The following TLL2 variants were observed in gnomAD, a reference collection of about 807,000 sequenced individuals.
The protein encoded by TLL2 is tolloid like 2.
In TLL2, 106 loss-of-function variants were observed where a neutral mutation model predicts 123.0. The ratio of observed to expected loss-of-function variants is 0.86; its 90% confidence interval spans 0.74 to 1.01. The LOEUF (loss-of-function observed/expected upper bound fraction) is 1.01. TLL2 is among the 50% of genes least tolerant of loss of function. TLL2 has a pLI of 0.00. For synonymous variants in TLL2, 494 were observed against 516.8 expected (o/e 0.96, Z 0.60); for missense variants, 1,332 against 1,336.7 (o/e 1.00, Z 0.06).
At chr10:96,390,847 T>A (rs1449075062) in intron 13 of TLL2, among the ~76,000 whole-genome samples, 1 of 152,240 alleles carries the variant, frequency 6.6e-6, no homozygotes, top group Non-Finnish European at 1.5e-5. Context: ...TTGGTCCAAG[T>A]GGCGATGTGC....
chr10:96,448,388 C>T (rs777151590), intron 2 of TLL2, among the ~76,000 whole-genome samples: 4 of 152,342 alleles, frequency 2.6e-5, no homozygotes, highest in African/African-American at 7.2e-5. Context: ...CTGGAGCCGA[C>T]GCTCTGGGTC....
Position 96,387,017 on chromosome 10 carries a change from C to T in TLL2, c.1788G>A (p.Leu596=), listed in dbSNP as rs780683138. 2.5e-6 allele frequency: 4 copies of T among 1,614,110 alleles called. No homozygotes were observed. The South Asian group carries it at 3.3e-5, about 13-fold the overall frequency. ...GGTCACAGGCACACTTGTAGCTGCC[C>T]AGCGTGTTCACACAGCGATGCTCGC... ...GGCEHRCVNT[L]GSYKCACDPG... The change falls in exon 14 of 21, where the codon CTG becomes CTA. Residue 596 remains leucine (L), a synonymous_variant. Transcript: ENST00000357947.
intron 2 of TLL2, among the ~76,000 whole-genome samples, chr10:96,473,253 G>A (rs12359296): frequency 0.05 from 7,534 of 152,124 alleles, 251 homozygotes; most frequent in Non-Finnish European, 0.081. Context: ...TCAGGAGTTC[G>A]AGACCAGCCT....
At chr10:96,478,775 C>G (rs946409700) in intron 2 of TLL2, among the ~76,000 whole-genome samples, 4 of 152,064 alleles carry the variant, frequency 2.6e-5, no homozygotes, top group Non-Finnish European at 4.4e-5. Flanking sequence ...AGAGGTCAGA[C>G]CAGTGGCTAC....
intron 3 of TLL2, 137 bp from the exon 4 acceptor site, chr10:96,433,099 T>A: frequency 8.3e-7 from 1 of 1,201,270 alleles, no homozygotes; most frequent in Non-Finnish European, 1.1e-6. Flanking sequence ...AGTTCAGGGT[T>A]TGGAAGCCCT....
At chr10:96,423,180 C>T (rs909999729) in intron 5 of TLL2, among the ~76,000 whole-genome samples, 1 of 151,514 alleles carries the variant, frequency 6.6e-6, no homozygotes, top group Non-Finnish European at 1.5e-5. Context: ...TGAAAGTGCT[C>T]TCATTGTCCA....
intron 1 of TLL2, among the ~76,000 whole-genome samples, chr10:96,493,633 G>A (rs927761996): frequency 6.6e-6 from 1 of 152,118 alleles, no homozygotes. Context: ...ACGGGATCCT[G>A]AGGCTGTTAG....
intron 10 of TLL2, among the ~76,000 whole-genome samples, chr10:96,403,394 GCTTTGCCCCAGACA>G (rs1298721623): frequency 1.3e-5 from 2 of 152,222 alleles, no homozygotes; most frequent in Non-Finnish European, 1.5e-5. Flanking sequence ...TTAATTTGTA[GCTTTGCCCCAGACA>G]CTTTGCCCCA....
intron 2 of TLL2, among the ~76,000 whole-genome samples, chr10:96,456,949 T>G (rs927518998): frequency 1.3e-5 from 2 of 152,086 alleles, no homozygotes; most frequent in African/African-American, 4.8e-5. Context: ...AGGGAGTCAG[T>G]TAGGATAGAA....
intron 2 of TLL2, among the ~76,000 whole-genome samples, chr10:96,453,203 C>T (rs1207591235): frequency 6.6e-6 from 1 of 152,180 alleles, no homozygotes; most frequent in Non-Finnish European, 1.5e-5. Flanking sequence ...CACCTGTAAT[C>T]CCAGCACTTC....
Position 96,368,100 on chromosome 10 carries a change from G to A in TLL2, c.3036C>T (p.His1012=), listed in dbSNP as rs750352598. Residue 1012 remains histidine (H), a synonymous_variant, in exon 21 of 21, where the codon CAC becomes CAT. Coordinates refer to ENST00000357947, the MANE Select transcript of TLL2 (RefSeq NM_012465.4). ...AAGAACATCAGCACTATTTCTTCAT[G>A]TGCAGGGCATCCTGGAACTTGGTGC... ...YTSTKFQDAL[H]MKK 6.2e-7 allele frequency: 1 copy of A among 1,614,180 alleles called. No individual in the cohort carries two copies. The highest frequency in any genetic ancestry group is 1.7e-5 in the Admixed American group (1 of 60,032).
chr10:96,455,182 T>C (rs1414587156), intron 2 of TLL2, among the ~76,000 whole-genome samples: 1 of 151,940 alleles, frequency 6.6e-6, no homozygotes, highest in Non-Finnish European at 1.5e-5. Context: ...TGAGCCATGA[T>C]CGCACCACTG....
chr10:96,408,801 C>T (rs931414888), intron 9 of TLL2, among the ~76,000 whole-genome samples: 11 of 152,198 alleles, frequency 7.2e-5, no homozygotes, highest in African/African-American at 1.4e-4. Context: ...TATAAGATGA[C>T]AGTCAAGCAT....
At chr10:96,435,601 T>A (rs1589421918) in intron 3 of TLL2, among the ~76,000 whole-genome samples, 2 of 152,246 alleles carry the variant, frequency 1.3e-5, no homozygotes, top group Admixed American at 6.5e-5. Flanking sequence ...AGCTCTTATA[T>A]CTAGGTCTTT....
Position 96,367,758 on chromosome 10 carries a change from C to A in TLL2, c.*330G>T, listed in dbSNP as rs1846042321. On this transcript the variant is annotated 3_prime_UTR_variant, in exon 21 of 21. Coordinates refer to ENST00000357947, the MANE Select transcript of TLL2 (RefSeq NM_012465.4). ...GAGGAACGGCCAACCCCAAGGCTGA[C>A]CTTTTGCCACATAGGAGCAAGGGAC... 2 of 233,322 alleles carry A rather than the reference C, an allele frequency of 8.6e-6. No individual in the cohort carries two copies. Among genetic ancestry groups the A allele is most frequent in the African/African-American group, 4.5e-5 (2 of 44,808 alleles). 14.5% of individuals were successfully genotyped at this position (233,322 alleles called of 1,614,324 possible). A position where few individuals can be genotyped will look rare whatever the true frequency, so the allele number is the denominator to read the frequency against.
intron 3 of TLL2, among the ~76,000 whole-genome samples, chr10:96,435,794 T>C (rs554518319): frequency 1.6e-4 from 25 of 152,354 alleles, no homozygotes; most frequent in African/African-American, 4.3e-4. Context: ...TCGAGTTGAA[T>C]ACTTGGTGCA....
chr10:96,368,342 G>A lies in TLL2; in HGVS notation c.2914-120C>T, dbSNP rs574576487. 3 of 1,163,620 alleles carry A rather than the reference G, an allele frequency of 2.6e-6. No individual in the cohort carries two copies. In the African/African-American group the frequency reaches 4.6e-5, roughly 18 times the overall value. 72.1% of individuals were successfully genotyped at this position (1,163,620 alleles called of 1,614,324 possible). ...ATGTGTCTCTGGTACCAGAGACTCT[G>A]AAGGGCATCCAAACAAGCTCCTTTT... On this transcript the variant is annotated intron_variant, in intron 20 of 20. Transcript: ENST00000357947.
At position 96,428,686 on chromosome 10, in the gene TLL2, AG is replaced by A. The variant is rs773194034; in HGVS notation, c.582del (p.Phe195SerfsTer2). The A allele has an allele frequency of 2.5e-6, 4 of 1,613,978 alleles. No individual in the cohort carries two copies. Among genetic ancestry groups the A allele is most frequent in the Non-Finnish European group, 3.4e-6 (4 of 1,179,992 alleles). ...MRHWEKHTCVTFIERTDEESF... is the reference protein window; with the variant it reads ...MRHWEKHTCVXFIERTDEESF... ...CTTTCCTCATCCGTCCTTTCTATGA[AG>A]GTCACACAGGTGTGCTTCTCCCAGT... On this transcript the variant is annotated frameshift_variant, in exon 5 of 21. Transcript: ENST00000357947. LOFTEE classifies it high-confidence loss of function.
rs533103923 is a variant in TLL2, at chr10:96,389,796, C to T, written c.1727-2718G>A. On this transcript the variant is annotated intron_variant, in intron 13 of 20. Transcript: ENST00000357947. Reference sequence around the variant, plus strand: ...GAGAGCCCGGTGGATGGACCTAGGGCAAAAGCAAAGAAAATATAATTCCTC... The same window carrying T: ...GAGAGCCCGGTGGATGGACCTAGGGTAAAAGCAAAGAAAATATAATTCCTC... Among the ~76,000 whole-genome samples the T allele has an allele frequency of 1.2e-3, 178 of 152,306 alleles. 1 individual carries two copies. The highest frequency in any genetic ancestry group is 1.9e-3 in the Non-Finnish European group (129 of 68,024).
Sources: gnomAD v4.1 joint callset for allele counts (sites outside exome capture counted in the v4.1 genomes callset) on GRCh38, gnomAD v4.1.1 for gene constraint, MANE v1.5 for transcripts, NCBI Gene and HGNC (gene_info 2026-07-23, HGNC 2026-07-21) for gene names.